Variants in ARHGAP35 observed in about 807,000 individuals in gnomAD.
The protein encoded by ARHGAP35 is Rho GTPase activating protein 35.
Under a neutral mutation model 111.1 loss-of-function variants are expected in ARHGAP35, and 15 were observed. That is an observed-to-expected ratio of 0.13 (90% confidence interval 0.09 to 0.21). The LOEUF is 0.21. ARHGAP35 is among the 10% of genes least tolerant of loss of function. The pLI is 1.00. For missense variants in ARHGAP35, 1,262 were observed against 1,873.0 expected (o/e 0.67, Z 6.02); for synonymous variants, 643 against 710.3 (o/e 0.91, Z 1.51).
chr19:46,958,890 A>T (rs1028034886), intron 3 of ARHGAP35, among the ~76,000 whole-genome samples: 1 of 152,076 alleles, frequency 6.6e-6, no homozygotes. Flanking sequence ...TTACTCATAT[A>T]TTGGGGATTG....
chr19:46,897,848 A>G (rs771120529), intron 1 of ARHGAP35, among the ~76,000 whole-genome samples: 4 of 152,302 alleles, frequency 2.6e-5, no homozygotes, highest in Non-Finnish European at 5.9e-5. Context: ...TCAGGGCTGA[A>G]AGGGCTTTGG....
At position 46,956,143 on chromosome 19, in the gene ARHGAP35, C is replaced by T. The variant is rs535738647; in HGVS notation, c.3826+18735C>T. On this transcript the variant is annotated intron_variant, in intron 3 of 6. Coordinates refer to ENST00000672722, the MANE Select transcript of ARHGAP35 (RefSeq NM_004491.5). ...GACCAGCATGGGCAAGATGGAGAAA[C>T]GCCATCTCTACTAAAAATACAAAAA... 8.2e-4 allele frequency among the ~76,000 whole-genome samples: 125 copies of T among 152,258 alleles called. 1 individual carries two copies. Among genetic ancestry groups the T allele is most frequent in the African/African-American group, 2.7e-3 (112 of 41,544 alleles).
intron 1 of ARHGAP35, among the ~76,000 whole-genome samples, chr19:46,899,272 T>C (rs1211095121): frequency 6.6e-6 from 1 of 152,180 alleles, no homozygotes; most frequent in African/African-American, 2.4e-5. Context: ...GAGGCAGGAA[T>C]GCTCATGGCA....
At chr19:46,910,600 A>G (rs2056132903) in intron 1 of ARHGAP35, among the ~76,000 whole-genome samples, 1 of 143,320 alleles carries the variant, frequency 7.0e-6, no homozygotes, top group Non-Finnish European at 1.5e-5. Flanking sequence ...CCAATTTTTA[A>G]AATTTTTGAG....
At chr19:46,951,216 A>G (rs992634459) in intron 3 of ARHGAP35, among the ~76,000 whole-genome samples, 4 of 152,176 alleles carry the variant, frequency 2.6e-5, no homozygotes, top group African/African-American at 9.7e-5. Context: ...AAATTTCACC[A>G]CTAATTGATG....
At chr19:46,974,367 C>T (rs1367813755) in intron 3 of ARHGAP35, among the ~76,000 whole-genome samples, 1 of 152,234 alleles carries the variant, frequency 6.6e-6, no homozygotes, top group Non-Finnish European at 1.5e-5. Context: ...TTCTGTCCTA[C>T]TTGCCTTCAA....
chr19:46,924,104 G>A (rs959228179), intron 2 of ARHGAP35, among the ~76,000 whole-genome samples: 42 of 152,148 alleles, frequency 2.8e-4, no homozygotes, highest in Admixed American at 2.6e-3. Context: ...TCCCTCCCAT[G>A]AAAGAACAGA....
rs747275167 is a variant in ARHGAP35 at position 46,937,280 on chromosome 19, C to T, written c.3698C>T (p.Pro1233Leu). 6.2e-7 allele frequency: 1 copy of T among 1,613,832 alleles called. No homozygotes were observed. The highest frequency in any genetic ancestry group is 8.5e-7 in the Non-Finnish European group (1 of 1,179,764). Reference sequence around the variant, plus strand: ...CCTGGACAGAAACCAAAGCCCAAACCCCGGCCATCCATCACAAAGGCAACC... The same window carrying T: ...CCTGGACAGAAACCAAAGCCCAAACTCCGGCCATCCATCACAAAGGCAACC... ...RRNTKKPKPKPRPSITKATWE... is the reference protein window; with the variant it reads ...RRNTKKPKPKLRPSITKATWE... Residue 1233 changes from proline (P) to leucine (L), a missense_variant, in exon 3 of 7, where the codon CCC becomes CTC. Physicochemically the swap from Pro to Leu is moderately conservative, Grantham distance 98 (BLOSUM62 -3). Around this residue, in one of 8 missense-constraint regions of ARHGAP35, gnomAD observed 579 missense variants for 716.9 expected, o/e 0.81. Coordinates refer to ENST00000672722, the MANE Select transcript of ARHGAP35 (RefSeq NM_004491.5).
chr19:46,877,956 C>T (rs951791975), intron 1 of ARHGAP35, among the ~76,000 whole-genome samples: 6 of 152,110 alleles, frequency 3.9e-5, no homozygotes, highest in Admixed American at 3.9e-4. Flanking sequence ...GATCCACCTG[C>T]CTCGGCCTCC....
chr19:46,998,846 G>C (rs2056730176), intron 5 of ARHGAP35, among the ~76,000 whole-genome samples: 1 of 152,262 alleles, frequency 6.6e-6, no homozygotes, highest in Admixed American at 6.5e-5. Context: ...CTAGGAAAAG[G>C]ACAGAGCCTT....
chr19:46,988,446 A>C lies in ARHGAP35; in HGVS notation c.3904+380A>C, dbSNP rs2056662916. ...GGTTGAGATGTGATCCTGTTTTGCC[A>C]GGGCCTCAGATCTACCCTCCTCACA... On this transcript the variant is annotated intron_variant, in intron 4 of 6. Coordinates refer to ENST00000672722, the MANE Select transcript of ARHGAP35 (RefSeq NM_004491.5). The surrounding 1 kb of genome is among the most constrained non-coding windows in gnomAD (Gnocchi z 5.4). 4.4e-6 allele frequency: 1 copy of C among 227,672 alleles called. No homozygotes were observed. The highest frequency in any genetic ancestry group is 8.9e-6 in the Non-Finnish European group (1 of 112,028). The allele number at this position is 227,672 out of a possible 1,614,324, so 14.1% of individuals were successfully genotyped here.
intron 1 of ARHGAP35, among the ~76,000 whole-genome samples, chr19:46,914,085 A>G (rs1173593196): frequency 1.3e-5 from 2 of 152,238 alleles, no homozygotes; most frequent in Non-Finnish European, 2.9e-5. Context: ...AGATGTTTTT[A>G]GATTTATAAC....
intron 1 of ARHGAP35, among the ~76,000 whole-genome samples, chr19:46,879,229 G>A (rs978879836): frequency 9.9e-5 from 15 of 152,122 alleles, no homozygotes; most frequent in African/African-American, 2.9e-4. Context: ...AGGCCGAGGT[G>A]ACCTCATCTG....
At chr19:46,889,750 C>CAAAAAAA (rs5828291) in intron 1 of ARHGAP35, among the ~76,000 whole-genome samples, 3 of 85,232 alleles carry the variant, frequency 3.5e-5, no homozygotes, top group African/African-American at 1.4e-4. Flanking sequence ...GACTCCGTCT[C>CAAAAAAA]AAAAAAAAAA....
chr19:46,964,528 G>C (rs1172677992), intron 3 of ARHGAP35, among the ~76,000 whole-genome samples: 2 of 152,208 alleles, frequency 1.3e-5, no homozygotes, highest in Admixed American at 1.3e-4. Flanking sequence ...AAAGTGGTGG[G>C]ATTACAGGTG....
At position 46,921,352 on chromosome 19, in the gene ARHGAP35, G is replaced by A; in HGVS notation, c.2677G>A (p.Val893Ile). ...GCTTGTAGCACTCACTGATGGCGCTGTAGATGTCCTGGACAATGACTTAAG... is the reference window on the plus strand; with the variant it reads ...GCTTGTAGCACTCACTGATGGCGCTATAGATGTCCTGGACAATGACTTAAG... Reference protein sequence around the residue: ...IQLVALTDGAVDVLDNDLSRE... With the variant: ...IQLVALTDGAIDVLDNDLSRE... The change falls in exon 2 of 7, where the codon GTA becomes ATA. Residue 893 changes from valine (V) to isoleucine (I), a missense_variant. Physicochemically the swap from Val to Ile is conservative, Grantham distance 29. This residue lies in a region of ARHGAP35 where 579 missense variants were observed against 716.9 expected (regional missense o/e 0.81). Transcript: ENST00000672722. The surrounding 1 kb of genome is among the most constrained non-coding windows in gnomAD (Gnocchi z 4.3). 2 of 1,614,006 alleles carry A rather than the reference G, an allele frequency of 1.2e-6. No homozygotes were observed. Among genetic ancestry groups the A allele is most frequent in the Non-Finnish European group, 1.7e-6 (2 of 1,179,894 alleles).
intron 1 of ARHGAP35, among the ~76,000 whole-genome samples, chr19:46,867,380 T>A (rs2055864170): frequency 6.6e-6 from 1 of 152,226 alleles, no homozygotes; most frequent in Admixed American, 6.5e-5. Context: ...TCCTGGCCAC[T>A]GTAGTAAACT....
chr19:46,993,277 ACCTTGAGC>A lies in ARHGAP35; in HGVS notation c.4036+3604_4036+3611del, dbSNP rs2056688899. ...CCTGCGTGATCACTGAAGGGCTGTG[ACCTTGAGC>A]CGGGCTTTCCCTTTCCTGGCGATGC... On this transcript the variant is annotated intron_variant, in intron 5 of 6. Transcript: ENST00000672722. The surrounding 1 kb of genome is among the most constrained non-coding windows in gnomAD (Gnocchi z 4.6). 1.3e-5 allele frequency among the ~76,000 whole-genome samples: 2 copies of A among 152,210 alleles called. No homozygotes were observed.
At chr19:46,967,499 G>A (rs947442050) in intron 3 of ARHGAP35, among the ~76,000 whole-genome samples, 7 of 152,146 alleles carry the variant, frequency 4.6e-5, no homozygotes, top group Non-Finnish European at 1.0e-4. Flanking sequence ...TTGGTTTACT[G>A]TGGTAGCCTC....
Sources: allele counts gnomAD v4.1 joint callset (sites outside exome capture counted in the v4.1 genomes callset), GRCh38; gene constraint gnomAD v4.1.1; regional missense constraint gnomAD v4.1.1; non-coding constraint Gnocchi (gnomAD v3.1); transcripts MANE v1.5; gene names NCBI Gene and HGNC (gene_info 2026-07-23, HGNC 2026-07-21).